NTM: variants seen among roughly 807,000 people sequenced by gnomAD.
The protein encoded by NTM is neurotrimin.
In NTM, 13 loss-of-function variants were observed where a neutral mutation model predicts 42.1. The observed-to-expected ratio is 0.31, with a 90% CI of 0.20 to 0.49. The LOEUF is 0.49. NTM is among the 20% of genes least tolerant of loss of function. The pLI, the probability that NTM is intolerant of heterozygous loss-of-function variation, is 0.99. For missense variants in NTM, 373 were observed against 452.8 expected (o/e 0.82, Z 1.60); for synonymous variants, 187 against 179.2 (o/e 1.04, Z -0.35).
chr11:132,200,731 G>T (rs945128692), intron 3 of NTM, among the ~76,000 whole-genome samples: 1 of 152,156 alleles, frequency 6.6e-6, no homozygotes, highest in Non-Finnish European at 1.5e-5. Context: ...CGAGAGCGGC[G>T]ACCACCTGGG....
intron 1 of NTM, among the ~76,000 whole-genome samples, chr11:131,681,759 G>C (rs1443631178): frequency 7.0e-5 from 8 of 114,046 alleles, no homozygotes; most frequent in African/African-American, 2.3e-4. Context: ...ATGTCTCCCT[G>C]TGTGTGTGAG....
At chr11:131,541,199 C>A (rs1423305622) in intron 1 of NTM, among the ~76,000 whole-genome samples, 1 of 152,204 alleles carries the variant, frequency 6.6e-6, no homozygotes, top group Non-Finnish European at 1.5e-5. Context: ...GAAACAAACA[C>A]CTGAAAATAA....
At chr11:131,511,503 T>C (rs415448) in intron 1 of NTM, among the ~76,000 whole-genome samples, 22,849 of 152,260 alleles carry the variant, frequency 0.15, 1,918 homozygotes, top group Middle Eastern at 0.22. Flanking sequence ...AAATCAGCAA[T>C]GCTAGTGCCT....
intron 1 of NTM, among the ~76,000 whole-genome samples, chr11:131,435,668 A>G (rs1949064050): frequency 1.3e-5 from 2 of 152,246 alleles, no homozygotes; most frequent in African/African-American, 4.8e-5. Context: ...GTTGCTTATC[A>G]GCTTAAGGAT....
chr11:131,977,148 G>A (rs1205594120), intron 2 of NTM, among the ~76,000 whole-genome samples: 1 of 152,194 alleles, frequency 6.6e-6, no homozygotes, highest in Non-Finnish European at 1.5e-5. Flanking sequence ...AGAAATGCAT[G>A]GATTGATCTC....
chr11:131,857,931 A>G (rs949699690), intron 1 of NTM, among the ~76,000 whole-genome samples: 1 of 152,074 alleles, frequency 6.6e-6, no homozygotes, highest in Non-Finnish European at 1.5e-5. Context: ...CAGGTAACAT[A>G]AAAGACCCTT....
intron 2 of NTM, among the ~76,000 whole-genome samples, chr11:131,977,911 A>T (rs150289812): frequency 2.0e-5 from 3 of 152,354 alleles, no homozygotes; most frequent in Non-Finnish European, 4.4e-5. Context: ...GAGAAAATCA[A>T]TTATGAGCTG....
chr11:131,875,152 A>T (rs971584243), intron 1 of NTM, among the ~76,000 whole-genome samples: 1 of 152,242 alleles, frequency 6.6e-6, no homozygotes, highest in African/African-American at 2.4e-5. Context: ...TGGGTTTAAT[A>T]CTTTCTCCTT....
chr11:131,998,235 A>G (rs1161322133), intron 2 of NTM, among the ~76,000 whole-genome samples: 1 of 152,058 alleles, frequency 6.6e-6, no homozygotes, highest in Non-Finnish European at 1.5e-5. Context: ...CTGAGTTTTC[A>G]TTTTGCTGCT....
intron 4 of NTM, among the ~76,000 whole-genome samples, chr11:132,216,230 C>T (rs766218231): frequency 6.6e-6 from 1 of 152,210 alleles, no homozygotes; most frequent in African/African-American, 2.4e-5. Flanking sequence ...TGTGTTGGAC[C>T]TCACTCTTCA....
intron 1 of NTM, among the ~76,000 whole-genome samples, chr11:131,813,537 AAG>A: frequency 6.6e-6 from 1 of 152,276 alleles, no homozygotes; most frequent in African/African-American, 2.4e-5. Context: ...TGCTCAACAA[AAG>A]AGATATGTGA....
chr11:131,683,394 A>C (rs945556444), intron 1 of NTM, among the ~76,000 whole-genome samples: 1 of 152,202 alleles, frequency 6.6e-6, no homozygotes, highest in Non-Finnish European at 1.5e-5. Context: ...TCTGCCCTCC[A>C]GCTCTGGTAC....
chr11:132,006,014 C>G (rs2070684707), intron 2 of NTM, among the ~76,000 whole-genome samples: 1 of 152,218 alleles, frequency 6.6e-6, no homozygotes, highest in Admixed American at 6.5e-5. Context: ...TAAGAGACAT[C>G]TCTGCATTAT....
intron 3 of NTM, among the ~76,000 whole-genome samples, chr11:132,169,609 C>T (rs2075842726): frequency 1.3e-5 from 2 of 151,952 alleles, no homozygotes; most frequent in South Asian, 4.1e-4. Context: ...GCTGGGATTA[C>T]AGGCGTGAAC....
At chr11:131,545,713 T>C (rs2053843259) in intron 1 of NTM, among the ~76,000 whole-genome samples, 1 of 152,188 alleles carries the variant, frequency 6.6e-6, no homozygotes, top group South Asian at 2.1e-4. Context: ...TGAGCAGGTC[T>C]ATGGGGACAT....
intron 1 of NTM, among the ~76,000 whole-genome samples, chr11:131,755,807 G>A (rs971165843): frequency 1.2e-4 from 19 of 152,304 alleles, no homozygotes; most frequent in African/African-American, 4.6e-4. Context: ...CTCCAACTTT[G>A]TCTCCTAATT....
At chr11:131,962,513 C>T (rs2062324696) in intron 2 of NTM, among the ~76,000 whole-genome samples, 1 of 152,182 alleles carries the variant, frequency 6.6e-6, no homozygotes, top group Admixed American at 6.5e-5. Context: ...GAGAACACAA[C>T]AAGAAGGCAG....
intron 2 of NTM, among the ~76,000 whole-genome samples, chr11:131,978,903 G>A (rs780032246): frequency 3.3e-5 from 5 of 152,080 alleles, no homozygotes; most frequent in Admixed American, 6.6e-5. Context: ...TCAGAAACAC[G>A]TATTAACATT....
chr11:131,881,798 A>G (rs1006934046), intron 1 of NTM, among the ~76,000 whole-genome samples: 5 of 152,222 alleles, frequency 3.3e-5, no homozygotes, highest in African/African-American at 1.2e-4. Flanking sequence ...ATGGGGGAAC[A>G]GGACAGGTGA....
Sources: allele counts gnomAD v4.1 joint callset (sites outside exome capture counted in the v4.1 genomes callset), GRCh38; gene constraint gnomAD v4.1.1; transcripts MANE v1.5; gene names NCBI Gene and HGNC (gene_info 2026-07-23, HGNC 2026-07-21).